The following SLC9A8 variants were observed in gnomAD, a reference collection of about 807,000 sequenced individuals.
The protein encoded by SLC9A8 is solute carrier family 9 member A8, also known as sodium/hydrogen exchanger 8.
A neutral mutation model predicts 66.6 loss-of-function variants in SLC9A8; 48 were observed. The observed-to-expected ratio is 0.72, with a 90% CI of 0.57 to 0.92. The LOEUF (loss-of-function observed/expected upper bound fraction) is 0.92, where lower values mean the gene tolerates loss of function less well. Among genes scored for constraint, SLC9A8 ranks in the 40% least tolerant of loss-of-function variants. SLC9A8 has a pLI of 0.00. For missense variants in SLC9A8, 599 were observed against 747.3 expected (o/e 0.80, Z 2.31); for synonymous variants, 274 against 282.6 (o/e 0.97, Z 0.31).
Position 49,815,113 on chromosome 20 carries a change from C to G in SLC9A8, c.132C>G (p.Pro44=). ...VLPTPGKPIL[P]VQTGEQAQQE... ...CGACCCCTGGCAAGCCCATCCTCCCCGTGCAGACAGGGGAGCAGGCCCAGC... is the reference window on the plus strand; with the variant it reads ...CGACCCCTGGCAAGCCCATCCTCCCGGTGCAGACAGGGGAGCAGGCCCAGC... The change falls in exon 2 of 16, where the codon CCC becomes CCG. Residue 44 remains proline (P), a synonymous_variant. Coordinates refer to ENST00000361573, the MANE Select transcript of SLC9A8 (RefSeq NM_015266.3). 4 of 1,609,208 alleles carry G rather than the reference C, an allele frequency of 2.5e-6. No individual in the cohort carries two copies. Among genetic ancestry groups the G allele is most frequent in the Non-Finnish European group, 3.4e-6 (4 of 1,177,962 alleles).
At chr20:49,845,649 C>T (rs925024183) in intron 5 of SLC9A8, among the ~76,000 whole-genome samples, 1 of 152,136 alleles carries the variant, frequency 6.6e-6, no homozygotes, top group Non-Finnish European at 1.5e-5. Flanking sequence ...GCTCCTCGCC[C>T]ACTCCCTGGT....
Position 49,890,402 on chromosome 20 carries a change from T to A in SLC9A8, c.*2466T>A, listed in dbSNP as rs764200776. 1 of 152,216 alleles carries A rather than the reference T, an allele frequency of 6.6e-6. No individual in the cohort carries two copies. The highest frequency in any genetic ancestry group is 1.5e-5 in the Non-Finnish European group (1 of 68,042). The allele number at this position is 152,216 out of a possible 1,614,324, so 9.4% of individuals were successfully genotyped here. A position where few individuals can be genotyped will look rare whatever the true frequency, so the allele number is the denominator to read the frequency against. Reference sequence around the variant, plus strand: ...AATACGCAGCTTAACTATATCTTCCTGCGTGTGTATTTATTTTCTTCTGGG... The same window carrying A: ...AATACGCAGCTTAACTATATCTTCCAGCGTGTGTATTTATTTTCTTCTGGG... On this transcript the variant is annotated 3_prime_UTR_variant, in exon 16 of 16. Coordinates refer to ENST00000361573, the MANE Select transcript of SLC9A8 (RefSeq NM_015266.3).
At chr20:49,881,085 C>A in intron 13 of SLC9A8, 50 bp downstream of exon 13, 1 of 1,303,074 alleles carries the variant, frequency 7.7e-7, no homozygotes, top group Non-Finnish European at 1.1e-6. Flanking sequence ...GTTAAAAGCA[C>A]GCCCCATACA....
intron 13 of SLC9A8, among the ~76,000 whole-genome samples, chr20:49,883,498 C>T (rs1461556496): frequency 1.3e-5 from 2 of 152,186 alleles, no homozygotes; most frequent in Admixed American, 6.5e-5. Flanking sequence ...CCTGCCCAGG[C>T]CTGGCGCACA....
chr20:49,877,166 C>T (rs773693075), intron 11 of SLC9A8, among the ~76,000 whole-genome samples: 13 of 149,588 alleles, frequency 8.7e-5, no homozygotes, highest in Non-Finnish European at 1.8e-4. Context: ...TGGTGGCGAG[C>T]GCCTGTAATC....
intron 13 of SLC9A8, among the ~76,000 whole-genome samples, chr20:49,882,811 C>T (rs1274304130): frequency 2.0e-5 from 3 of 152,228 alleles, no homozygotes; most frequent in South Asian, 2.1e-4. Flanking sequence ...TCCTCTGGCC[C>T]GTGACAGGTT....
chr20:49,890,000 T>A lies in SLC9A8; in HGVS notation c.*2064T>A, dbSNP rs1321537226. 2 of 152,238 alleles carry A rather than the reference T, an allele frequency of 1.3e-5. No homozygotes were observed. The highest frequency in any genetic ancestry group is 2.9e-5 in the Non-Finnish European group (2 of 68,048). 9.4% of individuals were successfully genotyped at this position (152,238 alleles called of 1,614,324 possible). On this transcript the variant is annotated 3_prime_UTR_variant, in exon 16 of 16. Coordinates refer to ENST00000361573, the MANE Select transcript of SLC9A8 (RefSeq NM_015266.3). ...AGCCCCAGCCAGGTCACACCTGGCC[T>A]CACACTTTGAGCTGAGACTTGAAAA...
rs1467245179 is a variant in SLC9A8 at position 49,890,686 on chromosome 20, A to G, written c.*2750A>G. 1 of 152,314 alleles carries G rather than the reference A, an allele frequency of 6.6e-6. No homozygotes were observed. Among genetic ancestry groups the G allele is most frequent in the Non-Finnish European group, 1.5e-5 (1 of 68,208 alleles). The allele number at this position is 152,314 out of a possible 1,614,324, so 9.4% of individuals were successfully genotyped here. ...AAGGGCTGGCTTCTAGGTCCCCGAG[A>G]TAAGTGTGCAGGGGGATGGGCCAGG... On this transcript the variant is annotated 3_prime_UTR_variant, in exon 16 of 16. Coordinates refer to ENST00000361573, the MANE Select transcript of SLC9A8 (RefSeq NM_015266.3).
chr20:49,849,458 T>C (rs2088154833), intron 5 of SLC9A8, 121 bp from the exon 6 acceptor site: 4 of 711,592 alleles, frequency 5.6e-6, no homozygotes, highest in Non-Finnish European at 9.9e-6. Flanking sequence ...CCACACAGGT[T>C]GGGCAGTGGT....
Position 49,888,282 on chromosome 20 carries a change from C to G in SLC9A8, c.*346C>G, listed in dbSNP as rs535675863. On this transcript the variant is annotated 3_prime_UTR_variant, in exon 16 of 16. Transcript: ENST00000361573. ...CCGGAGGACCCCTGCGGCCCCCTGC[C>G]TAGAGGAGCACCATCTACAGTTGTG... is the stretch of plus-strand genomic sequence containing the variant. The G allele has an allele frequency of 3.5e-6, 1 of 283,472 alleles. No homozygotes were observed. Among genetic ancestry groups the G allele is most frequent in the Admixed American group, 5.0e-5 (1 of 20,174 alleles). The allele number at this position is 283,472 out of a possible 1,614,324, so 17.6% of individuals were successfully genotyped here. A position where few individuals can be genotyped will look rare whatever the true frequency, so the allele number is the denominator to read the frequency against.
intron 1 of SLC9A8, among the ~76,000 whole-genome samples, chr20:49,814,350 C>T (rs2086468710): frequency 6.6e-6 from 1 of 152,146 alleles, no homozygotes; most frequent in Non-Finnish European, 1.5e-5. Context: ...TACCTAGTTC[C>T]TGGAATAAAG....
rs762796616 is a variant in SLC9A8 at position 49,884,022 on chromosome 20, C to T, written c.1447C>T (p.Arg483Cys). 22 of 1,613,494 alleles carry T rather than the reference C, an allele frequency of 1.4e-5. No homozygotes were observed. Among genetic ancestry groups the T allele is most frequent in the Middle Eastern group, 1.6e-4 (1 of 6,084 alleles). The change falls in exon 14 of 16, where the codon CGC (arginine) becomes TGC (cysteine). Residue 483 changes from arginine (R) to cysteine (C), a missense_variant. Physicochemically the swap from Arg to Cys is radical, Grantham distance 180 (BLOSUM62 -3). Transcript: ENST00000361573. ...GGACATCGAGGACGCCAAGGCACACCGCAGGAACAAGAAGGACGTCAACCT... is the reference window on the plus strand; with the variant it reads ...GGACATCGAGGACGCCAAGGCACACTGCAGGAACAAGAAGGACGTCAACCT... ...LMDIEDAKAHRRNKKDVNLSK... is the reference protein window; with the variant it reads ...LMDIEDAKAHCRNKKDVNLSK...
intron 10 of SLC9A8, among the ~76,000 whole-genome samples, chr20:49,872,721 G>A (rs1273316087): frequency 3.9e-5 from 6 of 152,002 alleles, no homozygotes; most frequent in Admixed American, 1.3e-4. Context: ...TCCTGACCTC[G>A]TGATTCACCC....
chr20:49,823,127 C>T lies in SLC9A8; in HGVS notation c.275C>T (p.Ala92Val). 6.2e-7 allele frequency: 1 copy of T among 1,611,464 alleles called. No homozygotes were observed. Among genetic ancestry groups the T allele is most frequent in the Non-Finnish European group, 8.5e-7 (1 of 1,178,586 alleles). ...YRLHFLPESVAVVSLGILMGA... is the reference protein window; with the variant it reads ...YRLHFLPESVVVVSLGILMGA... ...TTACATTTCTTGCCAGAGAGTGTTGCTGTTGTTTCTTTAGGTAAGTGTGTA... is the reference window on the plus strand; with the variant it reads ...TTACATTTCTTGCCAGAGAGTGTTGTTGTTGTTTCTTTAGGTAAGTGTGTA... Residue 92 changes from alanine (A) to valine (V), a missense_variant, in exon 3 of 16, where the codon GCT becomes GTT. Ala to Val is a moderately conservative substitution (Grantham distance 64). This residue lies in a region of SLC9A8 where 132 missense variants were observed against 120.9 expected (regional missense o/e 1.09). Transcript: ENST00000361573.
At chr20:49,834,384 CTGTGT>C (rs2087404712) in intron 3 of SLC9A8, among the ~76,000 whole-genome samples, 1 of 36,698 alleles carries the variant, frequency 2.7e-5, no homozygotes, top group Non-Finnish European at 4.8e-5. Context: ...TATATATATA[CTGTGT>C]ATATATATAT....
At chr20:49,864,981 TA>T (rs1343475791) in intron 10 of SLC9A8, 137 bp downstream of exon 10, 1 of 636,250 alleles carries the variant, frequency 1.6e-6, no homozygotes, top group Non-Finnish European at 2.8e-6. Context: ...AAAGGAAATC[TA>T]TTGGTTCCCT....
chr20:49,851,805 G>A (rs1292734276), intron 7 of SLC9A8, among the ~76,000 whole-genome samples: 1 of 152,222 alleles, frequency 6.6e-6, no homozygotes, highest in Non-Finnish European at 1.5e-5. Flanking sequence ...TGGAAATAAA[G>A]CAGAACTGAT....
At chr20:49,853,921 T>C (rs2088356281) in intron 7 of SLC9A8, among the ~76,000 whole-genome samples, 1 of 152,204 alleles carries the variant, frequency 6.6e-6, no homozygotes, top group Non-Finnish European at 1.5e-5. Context: ...GAACTGTACC[T>C]GGCAAGGCAG....
intron 7 of SLC9A8, among the ~76,000 whole-genome samples, chr20:49,851,915 T>C (rs1422940903): frequency 6.6e-6 from 1 of 152,166 alleles, no homozygotes; most frequent in African/African-American, 2.4e-5. Context: ...GGCAACTGGT[T>C]AGAGATACAG....
Sources: allele counts gnomAD v4.1 joint callset (sites outside exome capture counted in the v4.1 genomes callset), GRCh38; gene constraint gnomAD v4.1.1; regional missense constraint gnomAD v4.1.1; transcripts MANE v1.5; gene names NCBI Gene and HGNC (gene_info 2026-07-23, HGNC 2026-07-21).